The following TP53BP1 variants were observed in gnomAD, a reference collection of about 807,000 sequenced individuals.
TP53BP1 encodes the protein tumor protein p53 binding protein 1, also known as TP53-binding protein 1.
Under a neutral mutation model 200.8 loss-of-function variants are expected in TP53BP1, and 61 were observed. That is an observed-to-expected ratio of 0.30 (90% CI 0.25 to 0.38). TP53BP1 has a LOEUF of 0.38. Among genes scored for constraint, TP53BP1 ranks in the 10% least tolerant of loss-of-function variants. The pLI is 1.00. For synonymous variants in TP53BP1, 822 were observed against 844.3 expected (o/e 0.97, Z 0.46); for missense variants, 2,144 against 2,371.9 (o/e 0.90, Z 2.00).
intron 14 of TP53BP1, among the ~76,000 whole-genome samples, chr15:43,443,656 T>C (rs2045978770): frequency 2.0e-5 from 3 of 152,026 alleles, no homozygotes; most frequent in African/African-American, 4.8e-5. Flanking sequence ...GATCACCCCA[T>C]TGCACTCCAG....
chr15:43,475,672 A>G lies in TP53BP1; in HGVS notation c.978T>C (p.Thr326=). 1 of 1,613,988 alleles carries G rather than the reference A, an allele frequency of 6.2e-7. No individual in the cohort carries two copies. Reference sequence around the variant, plus strand: ...AACACCCACCTTCCTCCCTTGAAGGAGTAGAGCAACCATCAGAAGATACTG... The same window carrying G: ...AACACCCACCTTCCTCCCTTGAAGGGGTAGAGCAACCATCAGAAGATACTG... ...NKTVSSDGCS[T]PSREEGGCSL... The change falls in exon 9 of 28, where the codon ACT becomes ACC. Residue 326 remains threonine (T), a synonymous_variant. Transcript: ENST00000382044.
In TP53BP1 at chr15:43,467,124, G is replaced by A. The variant is rs541989313; in HGVS notation, c.1389+2734C>T. 2.0e-5 allele frequency among the ~76,000 whole-genome samples: 3 copies of A among 151,798 alleles called. No individual in the cohort carries two copies. The East Asian group carries it at 5.8e-4, about 30-fold the overall frequency. On this transcript the variant is annotated intron_variant, in intron 11 of 27. Transcript: ENST00000382044. ...AGCTGAGTGCTGTGGCATGATCATG[G>A]CTCACTGCAGCCTCAACTTCCCAGA...
Position 43,493,144 on chromosome 15 carries a change from C to A in TP53BP1, c.-101G>T. The A allele has an allele frequency of 6.4e-7, 1 of 1,572,960 alleles. No homozygotes were observed. Among genetic ancestry groups the A allele is most frequent in the Non-Finnish European group, 8.6e-7 (1 of 1,164,856 alleles). ...TCGCCGCTGTCGCCACCGCCGCCAC[C>A]GGCCGCGAACTCCCCCTTTCCCGTC... is the stretch of plus-strand genomic sequence containing the variant. On this transcript the variant is annotated 5_prime_UTR_variant, in exon 1 of 28. Transcript: ENST00000382044.
intron 12 of TP53BP1, among the ~76,000 whole-genome samples, chr15:43,451,431 G>A (rs11858640): frequency 0.28 from 42,636 of 151,200 alleles, 10,169 homozygotes; most frequent in African/African-American, 0.65. Context: ...GAGAACATGC[G>A]GTGTTTGGTT....
In TP53BP1 at chr15:43,441,523, T is replaced by C. The variant is rs1278905205; in HGVS notation, c.3098+3A>G. ...ACTCTAAATAGCATCCAGCTTTGGT[T>C]ACCTGGCAACAGACTCAGCAACAGC... On this transcript the variant is annotated splice_donor_region_variant and intron_variant, in intron 15 of 27. Transcript: ENST00000382044. The C allele has an allele frequency of 1.2e-6, 2 of 1,608,648 alleles. No homozygotes were observed. The highest frequency in any genetic ancestry group is 1.7e-6 in the Non-Finnish European group (2 of 1,175,024).
intron 11 of TP53BP1, among the ~76,000 whole-genome samples, chr15:43,459,549 T>C (rs895367010): frequency 2.0e-5 from 3 of 151,984 alleles, no homozygotes; most frequent in Admixed American, 2.0e-4. Context: ...ACAATATAAA[T>C]GGAATAAAAT....
chr15:43,469,895 C>T lies in TP53BP1; in HGVS notation c.1352G>A (p.Gly451Glu). 1 of 1,613,750 alleles carries T rather than the reference C, an allele frequency of 6.2e-7. No homozygotes were observed. Among genetic ancestry groups the T allele is most frequent in the South Asian group, 1.1e-5 (1 of 91,070 alleles). The stretch of plus-strand genomic sequence containing the variant: ...AGGCTGGGATGGGATAGGAAGTGAC[C>T]CAGGAGGGAAGACTGGTGTGCTCTG... ...ISQSTPVFPP[G>E]SLPIPSQPQF... Residue 451 changes from glycine to glutamate, a missense_variant, in exon 11 of 28, where the codon GGG (glycine) becomes GAG (glutamate). By Grantham distance (98) the Gly-to-Glu change is moderately conservative. This residue lies in a region of TP53BP1 where 1,700 missense variants were observed against 1,710.3 expected (regional missense o/e 0.99). Transcript: ENST00000382044.
intron 18 of TP53BP1, among the ~76,000 whole-genome samples, chr15:43,422,870 C>T (rs560827066): frequency 3.6e-4 from 55 of 151,776 alleles, no homozygotes; most frequent in Non-Finnish European, 5.9e-4. Flanking sequence ...GAGTGCACAC[C>T]TGTAGTCCCA....
chr15:43,502,953 G>A (rs910768447), intron 1 of TP53BP1, among the ~76,000 whole-genome samples: 7 of 151,872 alleles, frequency 4.6e-5, no homozygotes, highest in Middle Eastern at 3.4e-3. Context: ...GGGTTTTGCC[G>A]TGTTGGCCAG....
At chr15:43,421,425 A>G (rs1348044855) in intron 19 of TP53BP1, among the ~76,000 whole-genome samples, 8 of 152,168 alleles carry the variant, frequency 5.3e-5, no homozygotes, top group Admixed American at 5.2e-4. Context: ...TGCTGCAAAA[A>G]CAGCACACCC....
At chr15:43,492,961 C>G (rs923012064) in intron 1 of TP53BP1, 76 bp downstream of exon 1, 1 of 1,593,604 alleles carries the variant, frequency 6.3e-7, no homozygotes, top group African/African-American at 1.4e-5. Flanking sequence ...CCCGCCCCCT[C>G]CGGTCAGCCA....
upstream of TP53BP1, among the ~76,000 whole-genome samples, chr15:43,494,681 A>G (rs937295423): frequency 3.0e-4 from 46 of 152,200 alleles, no homozygotes; most frequent in Non-Finnish European, 5.0e-4. Context: ...GAGCAATACT[A>G]ACTACACTAG....
At chr15:43,421,531 A>C in intron 19 of TP53BP1, 1 of 476,434 alleles carries the variant, frequency 2.1e-6, no homozygotes, top group Non-Finnish European at 3.7e-6. Flanking sequence ...CTACTATCCC[A>C]AACTTCCTGT....
At chr15:43,508,631 CTAAA>C (rs1489461548) in intron 1 of TP53BP1, among the ~76,000 whole-genome samples, 1 of 152,188 alleles carries the variant, frequency 6.6e-6, no homozygotes, top group Non-Finnish European at 1.5e-5. Flanking sequence ...GACTCTGTCT[CTAAA>C]TATATATACG....
Position 43,456,165 on chromosome 15 carries a change from C to T in TP53BP1, c.2443G>A (p.Val815Ile), listed in dbSNP as rs575999589. 1.2e-6 allele frequency: 2 copies of T among 1,614,182 alleles called. No individual in the cohort carries two copies. Among genetic ancestry groups the T allele is most frequent in the South Asian group, 1.1e-5 (1 of 91,082 alleles). ...NRLDTKEEKS[V>I]EYEGDLKSGT... Reference sequence around the variant, plus strand: ...GATTTCAGATCTCCTTCATATTCTACACTCTTTTCTTCCTTGGTGTCTAAT... The same window carrying T: ...GATTTCAGATCTCCTTCATATTCTATACTCTTTTCTTCCTTGGTGTCTAAT... Residue 815 changes from valine to isoleucine, a missense_variant, in exon 12 of 28, where the codon GTA becomes ATA. Coordinates refer to ENST00000382044, the MANE Select transcript of TP53BP1 (RefSeq NM_001141980.3).
intron 4 of TP53BP1, 87 bp downstream of exon 4, chr15:43,491,582 C>T: frequency 1.0e-6 from 1 of 989,338 alleles, no homozygotes; most frequent in South Asian, 1.3e-5. Flanking sequence ...GAGATTAATC[C>T]TTTTATCCTT....
intron 11 of TP53BP1, among the ~76,000 whole-genome samples, chr15:43,460,066 C>T (rs1416266784): frequency 1.3e-5 from 2 of 152,000 alleles, no homozygotes; most frequent in East Asian, 3.9e-4. Flanking sequence ...ATACATTTGC[C>T]AAAATTCATC....
chr15:43,422,011 G>A lies in TP53BP1; in HGVS notation c.3944C>T (p.Ser1315Phe), dbSNP rs1190244123. 6 of 1,614,208 alleles carry A rather than the reference G, an allele frequency of 3.7e-6. No individual in the cohort carries two copies. Among genetic ancestry groups the A allele is most frequent in the Non-Finnish European group, 5.1e-6 (6 of 1,180,036 alleles). ...GDISSFSSKA[S>F]SLHRTSSGTS... ...CCCACTTGATGTGCGGTGTAAGCTG[G>A]ATGCCTTGGAGGAGAAGGAGCTGAT... The change falls in exon 19 of 28, where the codon TCC becomes TTC. Residue 1315 changes from serine (S) to phenylalanine (F), a missense_variant. By Grantham distance (155) the Ser-to-Phe change is radical (BLOSUM62 -2). Around this residue, in one of 4 missense-constraint regions of TP53BP1, gnomAD observed 1,700 missense variants for 1,710.3 expected, o/e 0.99. Transcript: ENST00000382044.
intron 5 of TP53BP1, 59 bp from the exon 6 acceptor site, chr15:43,480,076 C>T (rs947014362): frequency 2.0e-6 from 3 of 1,516,186 alleles, no homozygotes; most frequent in African/African-American, 2.8e-5. Context: ...AATGTACAAG[C>T]TGCTGTCCTC....
Sources: gnomAD v4.1 joint callset for allele counts (sites outside exome capture counted in the v4.1 genomes callset) on GRCh38, gnomAD v4.1.1 for gene constraint, gnomAD v4.1.1 regional missense constraint, MANE v1.5 for transcripts, NCBI Gene and HGNC (gene_info 2026-07-23, HGNC 2026-07-21) for gene names.